TNS1: variants seen among roughly 807,000 people sequenced by gnomAD.
TNS1 encodes tensin 1, also known as tensin-1.
TNS1 carries 62 observed loss-of-function variants against 168.6 expected under a neutral mutation model. That is an observed-to-expected ratio of 0.37 (90% CI 0.30 to 0.45). TNS1 has a LOEUF of 0.45. TNS1 is among the 20% of genes least tolerant of loss of function. TNS1 has a pLI of 1.00. For synonymous variants in TNS1, 934 were observed against 933.2 expected (o/e 1.00, Z -0.02); for missense variants, 2,240 against 2,339.4 (o/e 0.96, Z 0.88).
rs147452506 is a variant in TNS1 at position 217,848,418 on chromosome 2, G to A, written c.2099C>T (p.Thr700Met). ...SRAGPAHAGH[T>M]APMRPSYSAQ... ...AGAGTAGGAGGGCCGCATGGGGGCCGTGTGGCCAGCATGGGCAGGCCCCGC... is the reference window on the plus strand; with the variant it reads ...AGAGTAGGAGGGCCGCATGGGGGCCATGTGGCCAGCATGGGCAGGCCCCGC... Residue 700 changes from threonine to methionine, a missense_variant, in exon 19 of 33, where the codon ACG (threonine) becomes ATG (methionine). This residue lies in a region of TNS1 where 2,131 missense variants were observed against 2,171.2 expected (regional missense o/e 0.98). Transcript: ENST00000682258. 4.4e-5 allele frequency: 70 copies of A among 1,601,202 alleles called. No individual in the cohort carries two copies. Among genetic ancestry groups the A allele is most frequent in the Middle Eastern group, 3.3e-4 (2 of 6,034 alleles).
intron 3 of TNS1, among the ~76,000 whole-genome samples, chr2:217,959,422 C>T (rs1957441369): frequency 6.6e-6 from 1 of 151,928 alleles, no homozygotes; most frequent in African/African-American, 2.4e-5. Context: ...AGCATGGAAC[C>T]TGGTGCCTTA....
intron 19 of TNS1, among the ~76,000 whole-genome samples, chr2:217,840,172 C>A (rs968202680): frequency 6.6e-6 from 1 of 152,358 alleles, no homozygotes; most frequent in Non-Finnish European, 1.5e-5. Flanking sequence ...GTTCCCATTT[C>A]CCCTAGGCCT....
At chr2:217,914,551 C>T (rs1954791882) in intron 4 of TNS1, among the ~76,000 whole-genome samples, 3 of 150,944 alleles carry the variant, frequency 2.0e-5, no homozygotes, top group African/African-American at 7.3e-5. Flanking sequence ...CTCGCTCTGT[C>T]GCCAGACTGG....
intron 19 of TNS1, among the ~76,000 whole-genome samples, chr2:217,846,964 T>C (rs1946733718): frequency 6.6e-6 from 1 of 152,222 alleles, no homozygotes; most frequent in Admixed American, 6.5e-5. Context: ...GACTCTTTCA[T>C]GGCCTCTAGG....
At chr2:217,977,599 G>A (rs184339092) in intron 3 of TNS1, among the ~76,000 whole-genome samples, 4 of 152,320 alleles carry the variant, frequency 2.6e-5, no homozygotes, top group Admixed American at 2.6e-4. Flanking sequence ...CCTGTGCCAG[G>A]CACTGGGCTG....
At chr2:217,819,416 G>A (rs1942465712) in intron 23 of TNS1, among the ~76,000 whole-genome samples, 1 of 152,222 alleles carries the variant, frequency 6.6e-6, no homozygotes, top group African/African-American at 2.4e-5. Context: ...CTGTCATTAG[G>A]AGCATTTAAG....
At position 217,893,541 on chromosome 2, in the gene TNS1, G is replaced by A. The variant is rs201392776; in HGVS notation, c.615C>T (p.Pro205=). ...LHAKVLEFGW[P]DLHTPALEKI... is the part of the protein sequence containing the mutation. ...TCTCCAGGGCTGGGGTGTGGAGGTC[G>A]GGCCAGCCAAATTCCAGTACCTGTG... The change falls in exon 10 of 33, where the codon CCC becomes CCT. Residue 205 remains proline (P), a synonymous_variant. Transcript: ENST00000682258. The A allele has an allele frequency of 3.0e-5, 48 of 1,612,028 alleles. No homozygotes were observed. The highest frequency in any genetic ancestry group is 1.8e-4 in the Middle Eastern group (1 of 5,472).
At chr2:218,009,079 A>T (rs1394909257) in intron 1 of TNS1, among the ~76,000 whole-genome samples, 4 of 152,214 alleles carry the variant, frequency 2.6e-5, no homozygotes, top group African/African-American at 9.6e-5. Flanking sequence ...GTAAAGCCAG[A>T]ATTCAAACCC....
intron 3 of TNS1, among the ~76,000 whole-genome samples, chr2:217,921,728 A>C (rs1041870836): frequency 6.6e-6 from 1 of 152,220 alleles, no homozygotes; most frequent in Non-Finnish European, 1.5e-5. Context: ...GGAGAAGAAC[A>C]GGGGGCCGAA....
intron 19 of TNS1, chr2:217,841,281 G>T: frequency 1.0e-6 from 1 of 985,058 alleles, no homozygotes; most frequent in Non-Finnish European, 1.2e-6. Context: ...GCCTGGCGTT[G>T]TACGCTGCCC....
At chr2:217,853,985 G>A (rs893087380) in intron 18 of TNS1, among the ~76,000 whole-genome samples, 1 of 152,198 alleles carries the variant, frequency 6.6e-6, no homozygotes, top group Non-Finnish European at 1.5e-5. Context: ...ACGGTTTCAG[G>A]GCAGCTGTTT....
intron 3 of TNS1, among the ~76,000 whole-genome samples, chr2:217,943,147 T>G (rs1426642851): frequency 6.6e-6 from 1 of 152,110 alleles, no homozygotes; most frequent in Non-Finnish European, 1.5e-5. Context: ...GATTAGCCAT[T>G]TCTGCCCAGA....
chr2:217,809,332 G>GATGC (rs1252260930), intron 30 of TNS1, among the ~76,000 whole-genome samples: 35 of 82,492 alleles, frequency 4.2e-4, no homozygotes, highest in Non-Finnish European at 6.1e-4. Flanking sequence ...TGGATGGATG[G>GATGC]ATGGATGGAT....
At chr2:217,839,951 G>A (rs1122986) in intron 19 of TNS1, among the ~76,000 whole-genome samples, 92,409 of 152,084 alleles carry the variant, frequency 0.61, 28,944 homozygotes, top group African/African-American at 0.76. Context: ...AGCTCCCCTT[G>A]AGGCAGGCCC....
upstream of TNS1, among the ~76,000 whole-genome samples, chr2:218,015,057 C>G (rs1958745725): frequency 6.6e-6 from 1 of 152,134 alleles, no homozygotes; most frequent in African/African-American, 2.4e-5. Flanking sequence ...GTAGTCAGGA[C>G]CATGAAGTCT....
At chr2:217,940,260 A>C (rs946046864) in intron 3 of TNS1, among the ~76,000 whole-genome samples, 1 of 151,848 alleles carries the variant, frequency 6.6e-6, no homozygotes, top group African/African-American at 2.4e-5. Flanking sequence ...CCCTCCACCC[A>C]TTTCTGATTT....
chr2:218,010,205 G>T (rs969020771), exon 1 of TNS1: 29 of 399,012 alleles, frequency 7.3e-5, no homozygotes, highest in Middle Eastern at 6.3e-4. Context: ...TGCTGACCCC[G>T]AGAGTGGGCG....
chr2:217,886,354 T>G (rs1951199785), intron 13 of TNS1, among the ~76,000 whole-genome samples, 180 bp downstream of exon 13: 1 of 152,244 alleles, frequency 6.6e-6, no homozygotes. Context: ...CAGCAGGCAC[T>G]GCAAATAGAT....
At chr2:218,002,790 G>C (rs911950947) in intron 1 of TNS1, 50 bp downstream of exon 1, 1 of 456,340 alleles carries the variant, frequency 2.2e-6, no homozygotes, top group South Asian at 1.5e-5. Flanking sequence ...CCGGTGGGGG[G>C]CGGGGGGTTT....
Sources: gnomAD v4.1 joint callset for allele counts (sites outside exome capture counted in the v4.1 genomes callset) on GRCh38, gnomAD v4.1.1 for gene constraint, gnomAD v4.1.1 regional missense constraint, MANE v1.5 for transcripts, NCBI Gene and HGNC (gene_info 2026-07-23, HGNC 2026-07-21) for gene names.